The following RAB3C variants were observed in gnomAD, a reference collection of about 807,000 sequenced individuals.
The protein encoded by RAB3C is RAB3C, member RAS oncogene family.
In RAB3C, 17 loss-of-function variants were observed where a neutral mutation model predicts 26.4. The ratio of observed to expected loss-of-function variants is 0.64; its 90% CI spans 0.44 to 0.97. The LOEUF is 0.97. Among genes scored for constraint, RAB3C ranks in the 50% least tolerant of loss-of-function variants. The pLI, the probability that RAB3C is intolerant of heterozygous loss-of-function variation, is 0.00. For synonymous variants in RAB3C, 91 were observed against 95.9 expected (o/e 0.95, Z 0.30); for missense variants, 242 against 281.9 (o/e 0.86, Z 1.01).
intron 1 of RAB3C, among the ~76,000 whole-genome samples, chr5:58,607,533 C>T (rs573021954): frequency 1.3e-4 from 20 of 152,210 alleles, no homozygotes; most frequent in African/African-American, 4.8e-4. Flanking sequence ...GCAAGGCAGG[C>T]CAACATTCAA....
intron 3 of RAB3C, among the ~76,000 whole-genome samples, chr5:58,763,319 G>A (rs1276986101): frequency 6.6e-6 from 1 of 152,188 alleles, no homozygotes; most frequent in African/African-American, 2.4e-5. Context: ...ATCATGGGCA[G>A]GTCAGAGAGA....
intron 3 of RAB3C, among the ~76,000 whole-genome samples, chr5:58,768,840 G>A (rs1398674008): frequency 4.6e-5 from 7 of 152,010 alleles, no homozygotes; most frequent in African/African-American, 9.7e-5. Flanking sequence ...GTGTGTGATG[G>A]GAAGCTCAAG....
intron 2 of RAB3C, among the ~76,000 whole-genome samples, chr5:58,628,952 G>A (rs1404020414): frequency 6.7e-6 from 1 of 149,372 alleles, no homozygotes; most frequent in African/African-American, 2.5e-5. Flanking sequence ...ACTTTGGGAG[G>A]TGGAGGCGAG....
At chr5:58,652,266 ATATTCTCTAAGTATATGGAG>A (rs1369929478) in intron 2 of RAB3C, among the ~76,000 whole-genome samples, 1 of 151,738 alleles carries the variant, frequency 6.6e-6, no homozygotes, top group Non-Finnish European at 1.5e-5. Context: ...CAATCAATTT[ATATTCTCTAAGTATATGGAG>A]CGTCTATATA....
rs76323090 is a variant in RAB3C, at chr5:58,703,025, A to G, written c.253-22977A>G. On this transcript the variant is annotated intron_variant, in intron 2 of 4. Transcript: ENST00000282878. ...TATTGGTTTAATGAATATTCAGGATATATAGTAATTAAAGATGACTTCCAT... is the reference window on the plus strand; with the variant it reads ...TATTGGTTTAATGAATATTCAGGATGTATAGTAATTAAAGATGACTTCCAT... 6.1e-3 allele frequency among the ~76,000 whole-genome samples: 927 copies of G among 152,322 alleles called. 10 individuals carry two copies. Among genetic ancestry groups the G allele is most frequent in the African/African-American group, 0.021 (874 of 41,562 alleles).
chr5:58,813,787 A>T (rs1743154124), intron 3 of RAB3C, among the ~76,000 whole-genome samples: 1 of 69,964 alleles, frequency 1.4e-5, no homozygotes, highest in Admixed American at 1.1e-4. Flanking sequence ...GAATGCACAC[A>T]TACAGGCAAT....
intron 2 of RAB3C, among the ~76,000 whole-genome samples, chr5:58,701,292 C>T (rs550404567): frequency 1.1e-4 from 16 of 152,266 alleles, no homozygotes; most frequent in South Asian, 4.2e-4. Flanking sequence ...TGAGCTACTG[C>T]GCCCGGCCTA....
chr5:58,817,563 A>G (rs1304216865), intron 3 of RAB3C, among the ~76,000 whole-genome samples: 1 of 152,098 alleles, frequency 6.6e-6, no homozygotes, highest in Non-Finnish European at 1.5e-5. Flanking sequence ...GTCTTTGTAA[A>G]TCACCTGGAA....
At chr5:58,632,141 T>C (rs1747195200) in intron 2 of RAB3C, among the ~76,000 whole-genome samples, 1 of 152,184 alleles carries the variant, frequency 6.6e-6, no homozygotes, top group South Asian at 2.1e-4. Context: ...TCTCACAATA[T>C]GAGAGAGATT....
intron 2 of RAB3C, among the ~76,000 whole-genome samples, chr5:58,654,502 T>C (rs190265398): frequency 2.0e-5 from 3 of 152,326 alleles, no homozygotes; most frequent in African/African-American, 7.2e-5. Context: ...GAACAATCTC[T>C]ATTACAAAGA....
At chr5:58,751,494 A>G (rs1741523604) in intron 3 of RAB3C, among the ~76,000 whole-genome samples, 1 of 152,204 alleles carries the variant, frequency 6.6e-6, no homozygotes, top group Non-Finnish European at 1.5e-5. Context: ...GATTAGGGTC[A>G]AAGGCTTGGA....
intron 1 of RAB3C, among the ~76,000 whole-genome samples, chr5:58,605,055 G>C (rs556486991): frequency 6.6e-6 from 1 of 152,238 alleles, no homozygotes; most frequent in South Asian, 2.1e-4. Flanking sequence ...TCCAGGTAAA[G>C]TCTGAAACTT....
At chr5:58,655,038 T>A (rs1579840466) in intron 2 of RAB3C, among the ~76,000 whole-genome samples, 1 of 152,314 alleles carries the variant, frequency 6.6e-6, no homozygotes, top group South Asian at 2.1e-4. Context: ...ATAGATATTA[T>A]ACAGAAAATA....
chr5:58,737,407 AT>A (rs1741167856), intron 3 of RAB3C, among the ~76,000 whole-genome samples: 9 of 34,790 alleles, frequency 2.6e-4, no homozygotes, highest in African/African-American at 1.7e-3. Context: ...ATATATATAT[AT>A]ATATATATAT....
intron 2 of RAB3C, among the ~76,000 whole-genome samples, chr5:58,717,086 C>T (rs748999891): frequency 1.5e-4 from 23 of 151,912 alleles, no homozygotes; most frequent in Non-Finnish European, 2.8e-4. Flanking sequence ...GAGATATCTC[C>T]GTATTTTGTT....
chr5:58,749,313 G>A (rs1579897390), intron 3 of RAB3C, among the ~76,000 whole-genome samples: 1 of 152,114 alleles, frequency 6.6e-6, no homozygotes, highest in East Asian at 1.9e-4. Context: ...TTTCAATGTG[G>A]TTGGTTCTGT....
At chr5:58,811,566 C>T (rs781636165) in intron 3 of RAB3C, among the ~76,000 whole-genome samples, 15 of 152,106 alleles carry the variant, frequency 9.9e-5, no homozygotes, top group South Asian at 2.1e-4. Flanking sequence ...CAACAGTCCT[C>T]GATGAAGTCC....
chr5:58,837,355 T>C (rs987956640), intron 4 of RAB3C, among the ~76,000 whole-genome samples: 1 of 151,864 alleles, frequency 6.6e-6, no homozygotes, highest in Non-Finnish European at 1.5e-5. Context: ...CTAATTTTTA[T>C]ATTTTTAGTA....
At chr5:58,732,110 T>C (rs1741036964) in intron 3 of RAB3C, among the ~76,000 whole-genome samples, 1 of 150,972 alleles carries the variant, frequency 6.6e-6, no homozygotes, top group Admixed American at 6.6e-5. Flanking sequence ...TTTTTTTTTT[T>C]TAAATTATAC....
Sources: allele counts gnomAD v4.1 joint callset (sites outside exome capture counted in the v4.1 genomes callset), GRCh38; gene constraint gnomAD v4.1.1; transcripts MANE v1.5; gene names NCBI Gene and HGNC (gene_info 2026-07-23, HGNC 2026-07-21).